The following GMDS variants were observed in gnomAD, a reference collection of about 807,000 sequenced individuals.
The protein encoded by GMDS is GDP-mannose 4,6 dehydratase.
A neutral mutation model predicts 49.9 loss-of-function variants in GMDS; 20 were observed. That is an observed-to-expected ratio of 0.40 (90% CI 0.28 to 0.58). The LOEUF (loss-of-function observed/expected upper bound fraction) is 0.58. Ranked by LOEUF, GMDS falls within the 20% of genes least tolerant of loss-of-function variation. The pLI, the probability that GMDS is intolerant of heterozygous loss-of-function variation, is 0.42. For missense variants in GMDS, 362 were observed against 481.4 expected, an observed-to-expected ratio of 0.75 and a Z score of 2.32; for synonymous variants, 177 against 178.6, an observed-to-expected ratio of 0.99 and a Z score of 0.07.
intron 7 of GMDS, among the ~76,000 whole-genome samples, chr6:1,825,899 C>A (rs1367432701): frequency 2.0e-5 from 3 of 152,102 alleles, no homozygotes; most frequent in Non-Finnish European, 2.9e-5. Flanking sequence ...ACATGTAATC[C>A]CAGCTACTTG....
intron 4 of GMDS, among the ~76,000 whole-genome samples, chr6:2,052,775 G>GA (rs774838397): frequency 9.6e-4 from 146 of 152,252 alleles, no homozygotes; most frequent in Non-Finnish European, 1.8e-3. Context: ...CCATCATGGG[G>GA]AAAAAATCCA....
chr6:1,942,909 T>G (rs1581397572), intron 6 of GMDS, among the ~76,000 whole-genome samples: 4 of 152,238 alleles, frequency 2.6e-5, no homozygotes, highest in Admixed American at 2.0e-4. Context: ...GCCCAGGCCC[T>G]TATCATTTTC....
At chr6:1,671,080 A>T (rs1006219623) in intron 9 of GMDS, among the ~76,000 whole-genome samples, 2 of 152,182 alleles carry the variant, frequency 1.3e-5, no homozygotes, top group Non-Finnish European at 2.9e-5. Context: ...CTACAGACTC[A>T]GGCAAAGATC....
At chr6:2,205,716 C>G (rs1180237284) in intron 1 of GMDS, among the ~76,000 whole-genome samples, 1 of 152,154 alleles carries the variant, frequency 6.6e-6, no homozygotes, top group Non-Finnish European at 1.5e-5. Flanking sequence ...TCTACCCCCA[C>G]AGATTGCTAC....
chr6:2,002,685 G>A (rs1415580446), intron 4 of GMDS, among the ~76,000 whole-genome samples: 2 of 152,158 alleles, frequency 1.3e-5, no homozygotes, highest in African/African-American at 4.8e-5. Context: ...AAGCATGATA[G>A]ACTTCTGAGC....
At chr6:2,100,266 G>A (rs978941270) in intron 4 of GMDS, among the ~76,000 whole-genome samples, 3 of 152,102 alleles carry the variant, frequency 2.0e-5, no homozygotes, top group African/African-American at 7.2e-5. Flanking sequence ...TTAAAATTGG[G>A]TTAAAGAAAT....
intron 7 of GMDS, among the ~76,000 whole-genome samples, chr6:1,787,601 T>C (rs1322347904): frequency 6.6e-6 from 1 of 152,230 alleles, no homozygotes; most frequent in African/African-American, 2.4e-5. Flanking sequence ...ATGCAAAGTC[T>C]CTTCATCTAA....
At chr6:1,676,298 G>T (rs532069056) in intron 9 of GMDS, among the ~76,000 whole-genome samples, 1 of 152,170 alleles carries the variant, frequency 6.6e-6, no homozygotes, top group Non-Finnish European at 1.5e-5. Context: ...CAAACAAATG[G>T]AAGAACATTC....
chr6:1,952,566 A>C (rs988348801), intron 6 of GMDS, among the ~76,000 whole-genome samples: 1 of 152,098 alleles, frequency 6.6e-6, no homozygotes, highest in Non-Finnish European at 1.5e-5. Flanking sequence ...AGCTTTCTGG[A>C]AGTATTTACT....
At chr6:1,805,868 C>T (rs1770154664) in intron 7 of GMDS, among the ~76,000 whole-genome samples, 1 of 152,132 alleles carries the variant, frequency 6.6e-6, no homozygotes, top group Non-Finnish European at 1.5e-5. Flanking sequence ...GAGACAAAAA[C>T]AGTTGGAGAA....
intron 9 of GMDS, among the ~76,000 whole-genome samples, chr6:1,653,215 G>C (rs1763772074): frequency 6.6e-6 from 1 of 152,136 alleles, no homozygotes; most frequent in African/African-American, 2.4e-5. Context: ...GTAGGAAAAA[G>C]ATTAAATTAT....
chr6:2,168,518 C>T (rs1441573051), intron 1 of GMDS, among the ~76,000 whole-genome samples: 1 of 152,194 alleles, frequency 6.6e-6, no homozygotes, highest in Non-Finnish European at 1.5e-5. Flanking sequence ...TATTAAATAA[C>T]TAAGACAGTG....
intron 7 of GMDS, among the ~76,000 whole-genome samples, chr6:1,887,438 A>G (rs1759662007): frequency 6.6e-6 from 1 of 151,116 alleles, no homozygotes; most frequent in African/African-American, 2.5e-5. Context: ...TACACCGAAC[A>G]TATTTATGTT....
At chr6:1,626,205 C>CA (rs1253958843) in intron 9 of GMDS, 3 of 152,222 alleles carry the variant, frequency 2.0e-5, no homozygotes, top group Non-Finnish European at 2.9e-5. Flanking sequence ...CAGCAGTACA[C>CA]GCAGCGACTC....
chr6:2,235,818 A>G lies in GMDS; in HGVS notation c.102+9503T>C, dbSNP rs75487193. 8.9e-3 allele frequency among the ~76,000 whole-genome samples: 1,348 copies of G among 151,704 alleles called. 21 individuals are homozygous for G. Among genetic ancestry groups the G allele is most frequent in the African/African-American group, 0.031 (1,280 of 41,348 alleles). ...GACCCTTTCTGGAAAATAAAAAAAA[A>G]TAAAAAAAATAAGAAAAAAAAAAAA... On this transcript the variant is annotated intron_variant, in intron 1 of 10. Transcript: ENST00000380815.
At chr6:1,727,981 A>T (rs1347722471) in intron 8 of GMDS, among the ~76,000 whole-genome samples, 5 of 152,218 alleles carry the variant, frequency 3.3e-5, no homozygotes, top group Non-Finnish European at 1.5e-5. Context: ...CTTAATGTTG[A>T]TTAGATCAAT....
At chr6:1,624,322 GCGTCCCT>G (rs1762778365) in intron 10 of GMDS, 91 bp from the exon 11 acceptor site, 1 of 1,335,640 alleles carries the variant, frequency 7.5e-7, no homozygotes, top group African/African-American at 1.4e-5. Context: ...AGAGGCCTCC[GCGTCCCT>G]CGTTCCAGCT....
At chr6:1,689,134 TTGTGTC>T (rs1765083659) in intron 9 of GMDS, among the ~76,000 whole-genome samples, 1 of 152,100 alleles carries the variant, frequency 6.6e-6, no homozygotes, top group Non-Finnish European at 1.5e-5. Flanking sequence ...GAGGTTGTGG[TTGTGTC>T]AGATATATAT....
chr6:1,623,836 T>G lies in GMDS; in HGVS notation c.*333A>C. 3.0e-6 allele frequency: 1 copy of G among 331,126 alleles called. No homozygotes were observed. Among genetic ancestry groups the G allele is most frequent in the Non-Finnish European group, 5.5e-6 (1 of 181,216 alleles). 20.5% of individuals were successfully genotyped at this position (331,126 alleles called of 1,614,324 possible). A position where few individuals can be genotyped will look rare whatever the true frequency, so the allele number is the denominator to read the frequency against. On this transcript the variant is annotated 3_prime_UTR_variant, in exon 11 of 11. Transcript: ENST00000380815. ...GTTCACAGAAAGACCATTTTTAATATGAAAAGAGAAAAACAATTTGAAGGC... is the reference window on the plus strand; with the variant it reads ...GTTCACAGAAAGACCATTTTTAATAGGAAAAGAGAAAAACAATTTGAAGGC...
Sources: gnomAD v4.1 joint callset for allele counts (sites outside exome capture counted in the v4.1 genomes callset) on GRCh38, gnomAD v4.1.1 for gene constraint, MANE v1.5 for transcripts, NCBI Gene and HGNC (gene_info 2026-07-23, HGNC 2026-07-21) for gene names.